The following DRP2 variants were observed in gnomAD, a reference collection of about 807,000 sequenced individuals.
The protein encoded by DRP2 is dystrophin related protein 2.
A neutral mutation model predicts 78.2 loss-of-function variants in DRP2; 29 were observed. That is an observed-to-expected ratio of 0.37 (90% CI 0.28 to 0.51). The LOEUF (loss-of-function observed/expected upper bound fraction) is 0.51. Among genes scored for constraint, DRP2 ranks in the 20% least tolerant of loss-of-function variants. The pLI is 0.94. For missense variants in DRP2, 686 were observed against 770.6 expected (o/e 0.89, Z 1.30); for synonymous variants, 290 against 281.9 (o/e 1.03, Z -0.29).
At chrX:101,236,819 A>G (rs1381511912) in intron 4 of DRP2, among the ~76,000 whole-genome samples, 1 of 112,037 alleles carries the variant, frequency 8.9e-6, no homozygotes, top group Non-Finnish European at 1.9e-5. Flanking sequence ...CCTACTTAAT[A>G]AGGTTTTTGT....
intron 10 of DRP2, 114 bp downstream of exon 10, chrX:101,245,191 C>T (rs1200973296): frequency 1.8e-5 from 16 of 865,227 alleles, no homozygotes; most frequent in East Asian, 6.3e-5. Context: ...CCATCCAGTT[C>T]GGTTTTTCTC....
chrX:101,238,863 T>G, intron 5 of DRP2, 118 bp from the exon 6 acceptor site: 1 of 951,409 alleles, frequency 1.1e-6, no homozygotes, highest in Non-Finnish European at 1.4e-6. Flanking sequence ...CAAAGATACC[T>G]GATAATGCCA....
intron 1 of DRP2, among the ~76,000 whole-genome samples, chrX:101,222,658 C>T (rs1425170832): frequency 8.9e-6 from 1 of 112,666 alleles, no homozygotes; most frequent in Non-Finnish European, 1.9e-5. Flanking sequence ...TGTCAACTTT[C>T]TTTTCAGCAT....
rs35411558 is a variant in DRP2 at position 101,256,715 on chromosome X, A to AT, written c.2390+468dup. ...AGGCATGCACCACCATGCCTGGCTAATTTTTTTTTTTTTTGGTATTTTTAG... is the reference window on the plus strand; with the variant it reads ...AGGCATGCACCACCATGCCTGGCTAATTTTTTTTTTTTTTTGGTATTTTTAG... On this transcript the variant is annotated intron_variant, in intron 21 of 23. Transcript: ENST00000395209. 8.3e-3 allele frequency among the ~76,000 whole-genome samples: 789 copies of AT among 94,567 alleles called. 7 individuals carry two copies. The highest frequency in any genetic ancestry group is 9.5e-3 in the Non-Finnish European group (453 of 47,765). The allele number at this position is 94,567 out of a possible 115,157, so 82.1% of individuals were successfully genotyped here. A position where few individuals can be genotyped will look rare whatever the true frequency, so the allele number is the denominator to read the frequency against.
Position 101,260,067 on chromosome X carries a change from G to C in DRP2, c.2647G>C (p.Gly883Arg). ...TTGCTAGCCACCCACCGAATCAGAT[G>C]GCAGTGGCTCTGCAGGCTCGTCCCT... ...LLLQPPTESD[G>R]SGSAGSSLAS... The change falls in exon 23 of 24, where the codon GGC (glycine) becomes CGC (arginine). Residue 883 changes from glycine (G) to arginine (R), a missense_variant. Physicochemically the swap from Gly to Arg is moderately radical, Grantham distance 125 (BLOSUM62 -2). Coordinates refer to ENST00000395209, the MANE Select transcript of DRP2 (RefSeq NM_001939.3). 2 of 1,211,538 alleles carry C rather than the reference G, an allele frequency of 1.7e-6. No homozygotes were observed. Among genetic ancestry groups the C allele is most frequent in the Non-Finnish European group, 1.1e-6 (1 of 895,418 alleles).
intron 7 of DRP2, 35 bp downstream of exon 7, chrX:101,241,971 C>A: frequency 8.7e-7 from 1 of 1,142,961 alleles, no homozygotes; most frequent in Non-Finnish European, 1.2e-6. Context: ...ACAGTCTACC[C>A]TGAGACCTGA....
chrX:101,247,939 T>C (rs1327282228), intron 12 of DRP2, 150 bp from the exon 13 acceptor site: 2 of 497,012 alleles, frequency 4.0e-6, no homozygotes, highest in Non-Finnish European at 6.7e-6. Flanking sequence ...ATGAGGGTCT[T>C]AGTAAAGGAC....
Position 101,260,528 on chromosome X carries a change from C to G in DRP2, c.2781C>G (p.Ser927Arg), listed in dbSNP as rs1461584625. The G allele has an allele frequency of 1.7e-6, 2 of 1,209,240 alleles. No homozygotes were observed. Among genetic ancestry groups the G allele is most frequent in the African/African-American group, 3.5e-5 (2 of 57,009 alleles). Residue 927 changes from serine (S) to arginine (R), a missense_variant, in exon 24 of 24, where the codon AGC (serine) becomes AGG (arginine). Ser to Arg is a moderately radical substitution (Grantham distance 110). Coordinates refer to ENST00000395209, the MANE Select transcript of DRP2 (RefSeq NM_001939.3). ...TGGGGTCAAAGAGCCAGGATGTCAGCCTGTGCTTGGAGGACATCATGGAGA... is the reference window on the plus strand; with the variant it reads ...TGGGGTCAAAGAGCCAGGATGTCAGGCTGTGCTTGGAGGACATCATGGAGA... Reference protein sequence around the residue: ...DDVGSKSQDVSLCLEDIMEKL... With the variant: ...DDVGSKSQDVRLCLEDIMEKL...
intron 6 of DRP2, 135 bp downstream of exon 6, chrX:101,239,236 C>A: frequency 1.2e-6 from 1 of 858,384 alleles, no homozygotes; most frequent in Non-Finnish European, 1.6e-6. Context: ...GGAGTCCATC[C>A]AAAGTTGGGG....
chrX:101,252,566 G>A (rs752196390), intron 16 of DRP2, 39 bp from the exon 17 acceptor site: 40 of 1,130,003 alleles, frequency 3.5e-5, no homozygotes, highest in South Asian at 5.5e-5. Flanking sequence ...ACTGTGGCAC[G>A]TTGGACTCTC....
At chrX:101,236,883 A>AGG (rs200752560) in intron 4 of DRP2, among the ~76,000 whole-genome samples, 8 of 110,083 alleles carry the variant, frequency 7.3e-5, no homozygotes, top group African/African-American at 2.3e-4. Context: ...GGTGGTGGTG[A>AGG]GGGGGGGGCA....
At chrX:101,225,853 A>G (rs1922100883) in intron 2 of DRP2, among the ~76,000 whole-genome samples, 1 of 111,973 alleles carries the variant, frequency 8.9e-6, no homozygotes, top group Non-Finnish European at 1.9e-5. Flanking sequence ...TCAACCTGAG[A>G]AGTGATTATA....
chrX:101,233,860 T>C (rs1360132757), intron 3 of DRP2, among the ~76,000 whole-genome samples: 3 of 111,880 alleles, frequency 2.7e-5, no homozygotes, highest in Non-Finnish European at 3.8e-5. Context: ...GCCCACTAAC[T>C]ATCCATTTCC....
intron 3 of DRP2, among the ~76,000 whole-genome samples, chrX:101,235,082 C>T (rs768684914): frequency 1.8e-5 from 2 of 110,781 alleles, no homozygotes; most frequent in South Asian, 7.9e-4. Context: ...TAGGGCTATC[C>T]GGGATAACCA....
At chrX:101,247,963 A>C in intron 12 of DRP2, 126 bp from the exon 13 acceptor site, 1 of 582,832 alleles carries the variant, frequency 1.7e-6, no homozygotes, top group Non-Finnish European at 2.8e-6. Flanking sequence ...CTTGTATCAT[A>C]TTTGCAAATG....
chrX:101,226,965 G>A (rs73555047), intron 2 of DRP2, among the ~76,000 whole-genome samples: 28,439 of 111,106 alleles, frequency 0.26, 3,174 homozygotes, highest in African/African-American at 0.41. Flanking sequence ...GCTGCATCTG[G>A]TGAGAGTCTT....
chrX:101,237,454 G>A (rs921591987), intron 4 of DRP2, among the ~76,000 whole-genome samples, 165 bp from the exon 5 acceptor site: 1 of 111,664 alleles, frequency 9.0e-6, no homozygotes, highest in Non-Finnish European at 1.9e-5. Context: ...ACCCTCTTTG[G>A]GTGGGTAAGA....
intron 14 of DRP2, among the ~76,000 whole-genome samples, chrX:101,248,863 A>T (rs1377670880): frequency 8.9e-6 from 1 of 111,920 alleles, no homozygotes; most frequent in Non-Finnish European, 1.9e-5. Context: ...CTTAGTCAGG[A>T]TCTATGTTGG....
chrX:101,224,429 G>C (rs1411352462), intron 1 of DRP2, among the ~76,000 whole-genome samples, 175 bp from the exon 2 acceptor site: 13 of 106,874 alleles, frequency 1.2e-4, no homozygotes, highest in Non-Finnish European at 2.5e-4. Context: ...AAAAAACCCG[G>C]ATGTCCAGGC....
Sources: allele counts gnomAD v4.1 joint callset (sites outside exome capture counted in the v4.1 genomes callset), GRCh38; gene constraint gnomAD v4.1.1; transcripts MANE v1.5; gene names NCBI Gene and HGNC (gene_info 2026-07-23, HGNC 2026-07-21).